The following ARL10 variants were observed in gnomAD, a reference collection of about 807,000 sequenced individuals.
ARL10 encodes the protein ADP-ribosylation factor-like protein 10.
In ARL10, 23 loss-of-function variants were observed where a neutral mutation model predicts 26.1. The observed-to-expected ratio is 0.88, with a 90% confidence interval of 0.63 to 1.25. The LOEUF is 1.25. Ranked by LOEUF, ARL10 falls within the 50% of genes most tolerant of loss-of-function variation. The probability of loss-of-function intolerance (pLI) is 0.00; values close to 1 mark genes in which losing one functional copy is unlikely to be tolerated. For synonymous variants in ARL10, 138 were observed against 149.1 expected (o/e 0.93, Z 0.54); for missense variants, 300 against 323.6 (o/e 0.93, Z 0.56).
At chr5:176,402,145 T>C (rs552719684), downstream of ARL10, among the ~76,000 whole-genome samples, 1 of 151,950 alleles carries the variant, frequency 6.6e-6, no homozygotes, top group South Asian at 2.1e-4. Context: ...TCTACTAAAA[T>C]ACAAAAATTA....
the ARL10 span, among the ~76,000 whole-genome samples, chr5:176,409,406 C>CTTT: frequency 3.1e-4 from 25 of 79,642 alleles, no homozygotes; most frequent in Admixed American, 4.8e-4. Flanking sequence ...TCTGATTGCC[C>CTTT]TTTTTTTTTT....
downstream of ARL10, among the ~76,000 whole-genome samples, chr5:176,393,285 T>C (rs1756339865): frequency 1.3e-5 from 2 of 152,180 alleles, no homozygotes; most frequent in African/African-American, 4.8e-5. The surrounding 1 kb of genome is among the most constrained non-coding windows in gnomAD (Gnocchi z 4.4). Context: ...CATCGGGAGT[T>C]CCCAACCTGA....
rs1756359066 is a variant in ARL10 at position 176,393,676 on chromosome 5, C to T, written c.134-8065C>T. 6.6e-6 allele frequency among the ~76,000 whole-genome samples: 1 copy of T among 152,174 alleles called. No homozygotes were observed. The highest frequency in any genetic ancestry group is 2.1e-4 in the South Asian group (1 of 4,832). ...CACAGCCTGGGGCATGAATGCTCCA[C>T]TGGAGTCTGCTTTTGGTTGGAATCA... On this transcript the variant is annotated intron_variant, in intron 1 of 1. Coordinates refer to the ARL10 transcript ENST00000514533. The surrounding 1 kb of genome is among the most constrained non-coding windows in gnomAD (Gnocchi z 4.4).
chr5:176,410,257 C>A, the ARL10 span: 1 of 1,613,894 alleles, frequency 6.2e-7, no homozygotes, highest in Non-Finnish European at 8.5e-7. Flanking sequence ...CCTTGCTTAC[C>A]TGAAACACAT....
chr5:176,379,235 C>G lies in ARL10; in HGVS notation c.*7340C>G, dbSNP rs1182560518. ...CCAAGCTGGAGTGCAGTGGTGTAAT[C>G]TCAGCTCGCTGCAATCTCCGCCTCC... is the stretch of plus-strand genomic sequence containing the variant. On this transcript the variant is annotated 3_prime_UTR_variant, in exon 4 of 4. Coordinates refer to ENST00000310389, the MANE Select transcript of ARL10 (RefSeq NM_173664.6). The G allele has an allele frequency of 6.6e-6, 1 of 152,168 alleles. No individual in the cohort carries two copies. The highest frequency in any genetic ancestry group is 1.9e-4 in the East Asian group (1 of 5,200). 9.4% of individuals were successfully genotyped at this position (152,168 alleles called of 1,614,324 possible). A position where few individuals can be genotyped will look rare whatever the true frequency, so the allele number is the denominator to read the frequency against.
At chr5:176,384,171 G>T (rs949595106), downstream of ARL10, 4 of 1,614,004 alleles carry the variant, frequency 2.5e-6, no homozygotes, top group Middle Eastern at 1.6e-4. Context: ...CTTACACCCT[G>T]GCTCCAGCTT....
At chr5:176,403,524 G>A (rs1041187170), downstream of ARL10, among the ~76,000 whole-genome samples, 5 of 142,150 alleles carry the variant, frequency 3.5e-5, no homozygotes, top group African/African-American at 7.9e-5. Flanking sequence ...ACGTGATCTC[G>A]GCCCACTGCA....
At chr5:176,404,312 G>A (rs960883511), downstream of ARL10, among the ~76,000 whole-genome samples, 1 of 152,202 alleles carries the variant, frequency 6.6e-6, no homozygotes, top group South Asian at 2.1e-4. Flanking sequence ...CCTCTGGGAC[G>A]CACCCCCACA....
At chr5:176,391,689 G>T (rs1483755488), downstream of ARL10, among the ~76,000 whole-genome samples, 3 of 152,248 alleles carry the variant, frequency 2.0e-5, no homozygotes, top group Non-Finnish European at 4.4e-5. Flanking sequence ...GCCACCTGAT[G>T]GGGGCAGGAT....
downstream of ARL10, among the ~76,000 whole-genome samples, chr5:176,390,098 C>T (rs1236929082): frequency 6.7e-6 from 1 of 148,276 alleles, no homozygotes; most frequent in African/African-American, 2.5e-5. Context: ...AGGAGAATCA[C>T]TTGAACCCGG....
chr5:176,394,770 A>G (rs908620744), intron 1 of ARL10, among the ~76,000 whole-genome samples: 9 of 152,082 alleles, frequency 5.9e-5, no homozygotes, highest in South Asian at 4.2e-4. Flanking sequence ...AGCTGAGATC[A>G]TGCCACTGCA....
downstream of ARL10, among the ~76,000 whole-genome samples, chr5:176,404,247 A>G (rs1756983418): frequency 6.6e-6 from 1 of 152,152 alleles, no homozygotes; most frequent in Admixed American, 6.5e-5. Flanking sequence ...TCTCAAGACA[A>G]GACTAGAGAC....
the ARL10 span, among the ~76,000 whole-genome samples, chr5:176,411,972 C>G: frequency 5.6e-4 from 85 of 152,000 alleles, no homozygotes; most frequent in East Asian, 0.011. Flanking sequence ...GTCAGGAGAT[C>G]GAGACCATCC....
downstream of ARL10, among the ~76,000 whole-genome samples, chr5:176,383,410 G>A (rs1373043648): frequency 6.6e-6 from 1 of 152,240 alleles, no homozygotes; most frequent in Non-Finnish European, 1.5e-5. Context: ...ATCACCTCAT[G>A]CCACCGAATC....
In ARL10 at chr5:176,372,556, C is replaced by G. The variant is rs2113555160; in HGVS notation, c.*661C>G. 5.0e-6 allele frequency: 1 copy of G among 199,328 alleles called. No individual in the cohort carries two copies. The highest frequency in any genetic ancestry group is 1.1e-4 in the East Asian group (1 of 9,200). The allele number at this position is 199,328 out of a possible 1,614,324, so 12.3% of individuals were successfully genotyped here. On this transcript the variant is annotated 3_prime_UTR_variant, in exon 4 of 4. Coordinates refer to ENST00000310389, the MANE Select transcript of ARL10 (RefSeq NM_173664.6). Reference sequence around the variant, plus strand: ...AGCAAGGAGCTTTCTGAAGACCTCCCTGCCTTTCCCTGAGCCCAGGCCTGG... The same window carrying G: ...AGCAAGGAGCTTTCTGAAGACCTCCGTGCCTTTCCCTGAGCCCAGGCCTGG...
chr5:176,393,541 G>T (rs1392417880), downstream of ARL10, among the ~76,000 whole-genome samples: 1 of 152,210 alleles, frequency 6.6e-6, no homozygotes, highest in Non-Finnish European at 1.5e-5. This position sits in a 1 kb window ranked among gnomAD's most constrained non-coding sequence, Gnocchi z 4.4. Context: ...TTCATGTGCT[G>T]TGTGCGTCGT....
chr5:176,392,993 A>C, downstream of ARL10: 1 of 1,609,048 alleles, frequency 6.2e-7, no homozygotes, highest in Non-Finnish European at 8.5e-7. This position sits in a 1 kb window ranked among gnomAD's most constrained non-coding sequence, Gnocchi z 5.2. Flanking sequence ...GCTTTCCCCC[A>C]GCCTTGCCCT....
At chr5:176,367,922 C>T (rs764261567) in intron 2 of ARL10, 2 of 531,506 alleles carry the variant, frequency 3.8e-6, no homozygotes, top group South Asian at 1.4e-5. Flanking sequence ...CCCCTGCTTG[C>T]CTTGCTCACC....
rs1755547464 is a variant in ARL10 at position 176,381,349 on chromosome 5, T to G, written c.*9454T>G. On this transcript the variant is annotated 3_prime_UTR_variant, in exon 4 of 4. Transcript: ENST00000310389. ...CAATGGGCCCTGGCAGATACCTTTT[T>G]TGCATGGTCACTCAGTGCTCCTGGA... is the stretch of plus-strand genomic sequence containing the variant. 6.6e-6 allele frequency: 1 copy of G among 152,206 alleles called. No homozygotes were observed. The highest frequency in any genetic ancestry group is 2.4e-5 in the African/African-American group (1 of 41,452). 9.4% of individuals were successfully genotyped at this position (152,206 alleles called of 1,614,324 possible). A position where few individuals can be genotyped will look rare whatever the true frequency, so the allele number is the denominator to read the frequency against.
Sources: gnomAD v4.1 joint callset for allele counts (sites outside exome capture counted in the v4.1 genomes callset) on GRCh38, gnomAD v4.1.1 for gene constraint, Gnocchi (gnomAD v3.1) non-coding constraint, MANE v1.5 for transcripts, NCBI Gene and HGNC (gene_info 2026-07-23, HGNC 2026-07-21) for gene names.